Variants in LPP observed in about 807,000 individuals in gnomAD.
LPP encodes the protein lipoma-preferred partner.
Under a neutral mutation model 60.4 loss-of-function variants are expected in LPP, and 38 were observed. That is an observed-to-expected ratio of 0.63 (90% CI 0.49 to 0.83). LPP has a LOEUF of 0.83. LPP is among the 40% of genes least tolerant of loss of function. The pLI, the probability that LPP is intolerant of heterozygous loss-of-function variation, is 0.00. For missense variants in LPP, 902 were observed against 783.6 expected, an observed-to-expected ratio of 1.15 and a Z score of -1.80; for synonymous variants, 328 against 290.8, an observed-to-expected ratio of 1.13 and a Z score of -1.30.
intron 6 of LPP, among the ~76,000 whole-genome samples, chr3:188,552,961 G>A (rs543626354): frequency 5.9e-5 from 9 of 152,266 alleles, no homozygotes; most frequent in South Asian, 2.1e-4. Flanking sequence ...AGTTCACAAC[G>A]TTAATGCATG....
At chr3:188,567,128 A>G (rs147400219) in intron 6 of LPP, among the ~76,000 whole-genome samples, 5 of 152,048 alleles carry the variant, frequency 3.3e-5, no homozygotes, top group African/African-American at 9.6e-5. Context: ...GTTCAATTGT[A>G]TGATTTAGAG....
At chr3:188,240,596 G>A (rs1018249082) in intron 2 of LPP, among the ~76,000 whole-genome samples, 2 of 152,206 alleles carry the variant, frequency 1.3e-5, no homozygotes, top group African/African-American at 2.4e-5. Context: ...TGAGTAGTTA[G>A]GATATTAGAC....
At chr3:188,264,772 T>TTCTC (rs879879562) in intron 2 of LPP, among the ~76,000 whole-genome samples, 14 of 135,794 alleles carry the variant, frequency 1.0e-4, no homozygotes, top group East Asian at 4.1e-4. Context: ...ACCTTTTTTC[T>TTCTC]TCTCTCTCTC....
chr3:188,212,831 T>C (rs6767751), intron 1 of LPP: 5,641 of 152,478 alleles, frequency 0.037, 145 homozygotes, highest in South Asian at 0.076. Context: ...CTGGACATCG[T>C]GTGAGTACAT....
intron 9 of LPP, among the ~76,000 whole-genome samples, chr3:188,849,636 T>A (rs1762278902): frequency 6.6e-6 from 1 of 152,170 alleles, no homozygotes; most frequent in African/African-American, 2.4e-5. Flanking sequence ...CCAAGTTTAA[T>A]TTCTGTCTAC....
At chr3:188,606,475 T>G (rs76863130) in intron 6 of LPP, among the ~76,000 whole-genome samples, 8,858 of 152,194 alleles carry the variant, frequency 0.058, 289 homozygotes, top group African/African-American at 0.084. Context: ...TTGTGTTTTG[T>G]TTTGTTCTGT....
At chr3:188,232,298 A>G (rs1393483413) in intron 2 of LPP, among the ~76,000 whole-genome samples, 2 of 151,980 alleles carry the variant, frequency 1.3e-5, no homozygotes, top group Non-Finnish European at 2.9e-5. Context: ...GAATTCTACT[A>G]CCTGCTCCAT....
chr3:188,863,425 A>G (rs1239736956), intron 9 of LPP, among the ~76,000 whole-genome samples: 1 of 152,144 alleles, frequency 6.6e-6, no homozygotes, highest in African/African-American at 2.4e-5. Flanking sequence ...CCACCTCTGC[A>G]TCTCATGCTC....
intron 2 of LPP, among the ~76,000 whole-genome samples, chr3:188,286,490 G>C (rs553139247): frequency 1.2e-4 from 19 of 152,160 alleles, no homozygotes; most frequent in Non-Finnish European, 2.5e-4. Flanking sequence ...CTAATTCATG[G>C]CAACTTCTGG....
intron 9 of LPP, among the ~76,000 whole-genome samples, chr3:188,821,580 T>C (rs1753974976): frequency 6.6e-6 from 1 of 152,072 alleles, no homozygotes; most frequent in Non-Finnish European, 1.5e-5. Flanking sequence ...TTCCTTCTTC[T>C]TTTAAACTAA....
chr3:188,310,504 A>G (rs1466503819), intron 2 of LPP, among the ~76,000 whole-genome samples: 1 of 152,162 alleles, frequency 6.6e-6, no homozygotes, highest in African/African-American at 2.4e-5. Context: ...ACATGAAATA[A>G]TTGTTGAGGG....
At chr3:188,154,293 C>T (rs1354542986) in intron 1 of LPP, among the ~76,000 whole-genome samples, 41 bp downstream of exon 1, 1 of 152,096 alleles carries the variant, frequency 6.6e-6, no homozygotes, top group Non-Finnish European at 1.5e-5. Context: ...CCTCCACCCG[C>T]GGGCGCCTCG....
intron 9 of LPP, among the ~76,000 whole-genome samples, chr3:188,766,378 C>CAAAAAAAAAAAA (rs142374028): frequency 1.2e-4 from 15 of 124,696 alleles, no homozygotes; most frequent in Non-Finnish European, 2.2e-4. Context: ...CCTTAAAAAG[C>CAAAAAAAAAAAA]AAAAAAAAAA....
intron 7 of LPP, among the ~76,000 whole-genome samples, chr3:188,677,418 AT>A (rs1420704569): frequency 6.6e-6 from 1 of 152,170 alleles, no homozygotes; most frequent in African/African-American, 2.4e-5. Context: ...GCTTTGTGAA[AT>A]TCATAAATCT....
At chr3:188,406,957 C>T (rs1375399095) in intron 4 of LPP, among the ~76,000 whole-genome samples, 1 of 152,034 alleles carries the variant, frequency 6.6e-6, no homozygotes, top group Non-Finnish European at 1.5e-5. Context: ...TGTATGTATA[C>T]ACTCACACAC....
At chr3:188,571,735 CCG>C (rs1352612106) in intron 6 of LPP, among the ~76,000 whole-genome samples, 2 of 152,084 alleles carry the variant, frequency 1.3e-5, no homozygotes, top group Non-Finnish European at 2.9e-5. Context: ...TCTGTATCCT[CCG>C]CTTGCCAGCT....
intron 6 of LPP, among the ~76,000 whole-genome samples, chr3:188,531,461 G>A (rs896487668): frequency 6.6e-6 from 1 of 151,804 alleles, no homozygotes; most frequent in Non-Finnish European, 1.5e-5. Context: ...GATTTTGGCT[G>A]GTTACCAGAA....
At chr3:188,424,289 C>G (rs150130773) in intron 4 of LPP, among the ~76,000 whole-genome samples, 2 of 151,858 alleles carry the variant, frequency 1.3e-5, no homozygotes, top group African/African-American at 2.4e-5. Context: ...ATTTCTGAGG[C>G]CTCTGTTCTG....
chr3:188,750,147 C>G (rs1027528745), intron 8 of LPP, among the ~76,000 whole-genome samples: 3 of 152,194 alleles, frequency 2.0e-5, no homozygotes, highest in African/African-American at 4.8e-5. Context: ...CCGCATGAAG[C>G]CTCTTTCACA....
Sources: allele counts gnomAD v4.1 joint callset (sites outside exome capture counted in the v4.1 genomes callset), GRCh38; gene constraint gnomAD v4.1.1; transcripts MANE v1.5; gene names NCBI Gene and HGNC (gene_info 2026-07-23, HGNC 2026-07-21).